The following OGA variants were observed in gnomAD, a reference collection of about 807,000 sequenced individuals.
OGA encodes the protein protein O-GlcNAcase.
OGA carries 21 observed loss-of-function variants against 102.0 expected under a neutral mutation model. The observed-to-expected ratio is 0.21, with a 90% CI of 0.15 to 0.30. The LOEUF (loss-of-function observed/expected upper bound fraction) is 0.30, where lower values mean the gene tolerates loss of function less well. Ranked by LOEUF, OGA falls within the 10% of genes least tolerant of loss-of-function variation. The probability of loss-of-function intolerance (pLI) is 1.00; values close to 1 mark genes in which losing one functional copy is unlikely to be tolerated. For synonymous variants in OGA, 408 were observed against 378.2 expected (o/e 1.08, Z -0.91); for missense variants, 765 against 1,107.8 (o/e 0.69, Z 4.39).
At chr10:101,786,914 C>A (rs2065197038) in intron 15 of OGA, among the ~76,000 whole-genome samples, 2 of 152,174 alleles carry the variant, frequency 1.3e-5, no homozygotes, top group South Asian at 2.1e-4. Context: ...ATTACAGGCG[C>A]CTGCCACCAC....
chr10:101,810,933 C>T (rs903228092), intron 3 of OGA, among the ~76,000 whole-genome samples: 2 of 151,906 alleles, frequency 1.3e-5, no homozygotes, highest in African/African-American at 2.4e-5. Context: ...TCAAGTGATC[C>T]GCCTGCCTTA....
At chr10:101,803,548 C>A (rs961515866) in intron 7 of OGA, among the ~76,000 whole-genome samples, 187 bp downstream of exon 7, 4 of 151,240 alleles carry the variant, frequency 2.6e-5, no homozygotes, top group African/African-American at 9.7e-5. Flanking sequence ...TCTTCATCAA[C>A]AGAATGAAAC....
chr10:101,812,964 C>G (rs1403135736), intron 3 of OGA, 66 bp downstream of exon 3: 1 of 1,217,130 alleles, frequency 8.2e-7, no homozygotes, highest in African/African-American at 1.5e-5. Flanking sequence ...TCTTGTACAA[C>G]TACATTTAAA....
At position 101,785,326 on chromosome 10, in the gene OGA, A is replaced by G. The variant is rs1389859664; in HGVS notation, c.*1125T>C. ...GGTTAAAGTGTGCTCATTCATTCAG[A>G]AATTAGATACAAACATGCAAGAATT... is the stretch of plus-strand genomic sequence containing the variant. On this transcript the variant is annotated 3_prime_UTR_variant, in exon 16 of 16. Coordinates refer to ENST00000361464, the MANE Select transcript of OGA (RefSeq NM_012215.5). 6.6e-6 allele frequency: 1 copy of G among 152,424 alleles called. No homozygotes were observed. The highest frequency in any genetic ancestry group is 1.5e-5 in the Non-Finnish European group (1 of 68,054). 9.4% of individuals were successfully genotyped at this position (152,424 alleles called of 1,614,324 possible). A position where few individuals can be genotyped will look rare whatever the true frequency, so the allele number is the denominator to read the frequency against.
chr10:101,788,266 T>A (rs2065215259), intron 14 of OGA, among the ~76,000 whole-genome samples: 1 of 147,696 alleles, frequency 6.8e-6, no homozygotes, highest in East Asian at 2.0e-4. Context: ...AGTAAAACCC[T>A]GTCTCTACTA....
rs2065495632 is a variant in OGA, at chr10:101,807,806, A to T, written c.576T>A (p.Ala192=). 1.2e-6 allele frequency: 2 copies of T among 1,612,272 alleles called. No individual in the cohort carries two copies. The highest frequency in any genetic ancestry group is 3.4e-5 in the Admixed American group (2 of 59,692). The stretch of plus-strand genomic sequence containing the variant: ...CATTTGTGATGGAGACTTGGGCATG[A>T]GCAAAAGAACTGAATACCTCTTTGT... ...AADKEVFSSF[A]HAQVSITNEI... Residue 192 remains alanine, a synonymous_variant, in exon 5 of 16, where the codon GCT becomes GCA. Coordinates refer to ENST00000361464, the MANE Select transcript of OGA (RefSeq NM_012215.5).
chr10:101,814,885 T>G lies in OGA; in HGVS notation c.200-1279A>C, dbSNP rs180760614. 3.5e-4 allele frequency among the ~76,000 whole-genome samples: 53 copies of G among 152,326 alleles called. 1 individual carries two copies. The highest frequency in any genetic ancestry group is 1.6e-3 in the Admixed American group (24 of 15,302). On this transcript the variant is annotated intron_variant, in intron 1 of 15. Transcript: ENST00000361464. ...CTCGCAGACCGATAACCTAAATGGT[T>G]GAATAAGCATCAAACTGGTATCTGG... is the stretch of plus-strand genomic sequence containing the variant.
At chr10:101,793,007 G>T (rs543608633) in intron 11 of OGA, 64 bp from the exon 12 acceptor site, 5 of 1,267,782 alleles carry the variant, frequency 3.9e-6, no homozygotes, top group African/African-American at 2.9e-5. Flanking sequence ...TTAAATGGGT[G>T]TGCACTGCAG....
At chr10:101,798,660 C>T (rs2065350139) in intron 9 of OGA, among the ~76,000 whole-genome samples, 182 bp downstream of exon 9, 1 of 151,986 alleles carries the variant, frequency 6.6e-6, no homozygotes, top group African/African-American at 2.4e-5. Flanking sequence ...GTGATCTGCC[C>T]GCCTCTGCCT....
chr10:101,807,695 A>C lies in OGA; in HGVS notation c.652+35T>G, dbSNP rs201961894. 378 of 1,401,442 alleles carry C rather than the reference A, an allele frequency of 2.7e-4. 1 individual carries two copies. The highest frequency in any genetic ancestry group is 7.1e-4 in the African/African-American group (48 of 67,866). The allele number at this position is 1,401,442 out of a possible 1,614,324, so 86.8% of individuals were successfully genotyped here. A position where few individuals can be genotyped will look rare whatever the true frequency, so the allele number is the denominator to read the frequency against. On this transcript the variant is annotated intron_variant, in intron 5 of 15. Coordinates refer to ENST00000361464, the MANE Select transcript of OGA (RefSeq NM_012215.5). ...CCTTTATAAGTTATATATTCCAAGA[A>C]GACTAGTTAAATGTAAAGCCATTAT...
chr10:101,796,900 C>T (rs1356407955), intron 10 of OGA: 1 of 151,956 alleles, frequency 6.6e-6, no homozygotes, highest in Non-Finnish European at 1.5e-5. Context: ...CTATACAGAG[C>T]CTTTTAACAT....
In OGA at chr10:101,786,284, G is replaced by GT. The variant is rs2065189300; in HGVS notation, c.*166dup. On this transcript the variant is annotated 3_prime_UTR_variant, in exon 16 of 16. Coordinates refer to ENST00000361464, the MANE Select transcript of OGA (RefSeq NM_012215.5). ...CTGCAATACTATATTCTTCCAACCA[G>GT]TGAGTAGTCTCAAAGTGTGATGGGT... The GT allele has an allele frequency of 5.1e-6, 3 of 593,338 alleles. No individual in the cohort carries two copies. Among genetic ancestry groups the GT allele is most frequent in the Non-Finnish European group, 7.9e-6 (3 of 378,234 alleles). The allele number at this position is 593,338 out of a possible 1,614,324, so 36.8% of individuals were successfully genotyped here.
At chr10:101,802,009 G>A (rs1430765010) in intron 7 of OGA, among the ~76,000 whole-genome samples, 1 of 152,128 alleles carries the variant, frequency 6.6e-6, no homozygotes, top group Non-Finnish European at 1.5e-5. Context: ...GCCAGATGGG[G>A]TGGTGTGCGC....
chr10:101,791,040 T>C lies in OGA; in HGVS notation c.2310A>G (p.Leu770=). The C allele has an allele frequency of 6.2e-7, 1 of 1,613,694 alleles. No individual in the cohort carries two copies. Residue 770 remains leucine (L), a synonymous_variant, in exon 14 of 16, where the codon CTA becomes CTG. Transcript: ENST00000361464. ...LSLSLDYCFV[L]EDEDGICGYA... ...AACCACATATGCCATCTTCATCTTC[T>C]AGGACAAAGCAGTAATCCAGGCTGA...
intron 10 of OGA, 89 bp from the exon 11 acceptor site, chr10:101,794,087 G>T: frequency 1.2e-6 from 1 of 842,670 alleles, no homozygotes; most frequent in Non-Finnish European, 2.0e-6. Context: ...AACACTTCGT[G>T]GAAATAACTC....
In OGA at chr10:101,786,410, C is replaced by A; in HGVS notation, c.*41G>T. ...GACCTCAACTACCATTCACAAGGTGCAGTTAAGAGACTTTTGGACAGTTCA... is the reference window on the plus strand; with the variant it reads ...GACCTCAACTACCATTCACAAGGTGAAGTTAAGAGACTTTTGGACAGTTCA... On this transcript the variant is annotated 3_prime_UTR_variant, in exon 16 of 16. Coordinates refer to ENST00000361464, the MANE Select transcript of OGA (RefSeq NM_012215.5). The A allele has an allele frequency of 1.3e-6, 2 of 1,535,074 alleles. No individual in the cohort carries two copies. Among genetic ancestry groups the A allele is most frequent in the Non-Finnish European group, 8.7e-7 (1 of 1,143,562 alleles).
chr10:101,802,978 TAAAAAAAAAAAAAA>T lies in OGA; in HGVS notation c.1036+743_1036+756del, dbSNP rs764237378. ...AGATGGTGAAACCCTGTCTCTACTTTAAAAAAAAAAAAAAAAAAAAAAAAAAGCCGGGTGTGCCT... is the reference window on the plus strand; with the variant it reads ...AGATGGTGAAACCCTGTCTCTACTTTAAAAAAAAAAAAGCCGGGTGTGCCT... On this transcript the variant is annotated intron_variant, in intron 7 of 15. Transcript: ENST00000361464. Among the ~76,000 whole-genome samples the T allele has an allele frequency of 7.3e-5, 5 of 68,596 alleles. 1 individual carries two copies. Among genetic ancestry groups the T allele is most frequent in the South Asian group, 5.0e-4 (1 of 2,002 alleles). 45.0% of individuals were successfully genotyped at this position (68,596 alleles called of 152,430 possible).
chr10:101,816,131 C>T (rs1361719752), intron 1 of OGA, among the ~76,000 whole-genome samples: 2 of 152,062 alleles, frequency 1.3e-5, no homozygotes, highest in East Asian at 1.9e-4. Flanking sequence ...ATTAGCCGGG[C>T]CCGTGTCTGC....
Position 101,817,894 on chromosome 10 carries a change from G to A in OGA, c.129C>T (p.Ala43=). 2 of 1,560,356 alleles carry A rather than the reference G, an allele frequency of 1.3e-6. No individual in the cohort carries two copies. Among genetic ancestry groups the A allele is most frequent in the South Asian group, 1.2e-5 (1 of 85,868 alleles). The change falls in exon 1 of 16, where the codon GCC becomes GCT. Residue 43 remains alanine, a synonymous_variant. Coordinates refer to ENST00000361464, the MANE Select transcript of OGA (RefSeq NM_012215.5). ...CGGCCACCGCCGCTCCCCCAGCCCCGGCGGGGTTGTCTTCTCCGGGTGCCG... is the reference window on the plus strand; with the variant it reads ...CGGCCACCGCCGCTCCCCCAGCCCCAGCGGGGTTGTCTTCTCCGGGTGCCG... ...AAPAPGEDNP[A]GAGGAAVAGA... is the part of the protein sequence containing the mutation.
Sources: gnomAD v4.1 joint callset for allele counts (sites outside exome capture counted in the v4.1 genomes callset) on GRCh38, gnomAD v4.1.1 for gene constraint, MANE v1.5 for transcripts, NCBI Gene and HGNC (gene_info 2026-07-23, HGNC 2026-07-21) for gene names.